PKD1L3: variants seen among roughly 807,000 people sequenced by gnomAD.
The protein encoded by PKD1L3 is polycystin 1 like 3, transient receptor potential channel interacting.
A neutral mutation model predicts 184.1 loss-of-function variants in PKD1L3; 239 were observed. The ratio of observed to expected loss-of-function variants is 1.30; its 90% CI spans 1.17 to 1.45. The LOEUF (loss-of-function observed/expected upper bound fraction) is 1.45. Ranked by LOEUF, PKD1L3 falls within the 40% of genes most tolerant of loss-of-function variation. The probability of loss-of-function intolerance (pLI) is 0.00; values close to 1 mark genes in which losing one functional copy is unlikely to be tolerated. For missense variants in PKD1L3, 2,660 were observed against 2,067.2 expected (o/e 1.29, Z -5.56); for synonymous variants, 996 against 778.8 (o/e 1.28, Z -4.64).
intron 16 of PKD1L3, among the ~76,000 whole-genome samples, chr16:71,956,508 T>C (rs1162078190): frequency 3.3e-5 from 5 of 152,100 alleles, no homozygotes; most frequent in Admixed American, 3.3e-4. Context: ...AGGAAGGAAA[T>C]TCTTGCACAT....
intron 3 of PKD1L3, chr16:71,991,115 A>G (rs2040573165): frequency 6.2e-6 from 1 of 162,344 alleles, no homozygotes; most frequent in South Asian, 1.5e-4. Flanking sequence ...TGATTGATAC[A>G]GCATAAGTAT....
chr16:71,977,925 CT>C (rs1264712903), intron 10 of PKD1L3, among the ~76,000 whole-genome samples: 3 of 152,166 alleles, frequency 2.0e-5, no homozygotes, highest in Non-Finnish European at 4.4e-5. Flanking sequence ...CAGCCACCCA[CT>C]GCCATGCCAG....
At chr16:71,971,184 G>A (rs1380281658) in intron 12 of PKD1L3, among the ~76,000 whole-genome samples, 3 of 152,186 alleles carry the variant, frequency 2.0e-5, no homozygotes, top group Admixed American at 2.0e-4. Context: ...TACTCAGAGG[G>A]CTTCAATTAT....
intron 2 of PKD1L3, among the ~76,000 whole-genome samples, chr16:71,995,904 G>T (rs2040767578): frequency 6.6e-6 from 1 of 152,174 alleles, no homozygotes; most frequent in African/African-American, 2.4e-5. Flanking sequence ...CTTGCCAACG[G>T]AAAGTGTTGT....
At chr16:71,930,008 C>T in intron 29 of PKD1L3, 44 bp downstream of exon 29, 1 of 1,520,664 alleles carries the variant, frequency 6.6e-7, no homozygotes, top group Non-Finnish European at 8.8e-7. Flanking sequence ...GTGGAGCTTT[C>T]CCAGTGATAT....
At chr16:71,932,631 G>A (rs545661429) in intron 28 of PKD1L3, among the ~76,000 whole-genome samples, 89 of 151,788 alleles carry the variant, frequency 5.9e-4, no homozygotes, top group African/African-American at 1.5e-3. Flanking sequence ...GCACCACCAC[G>A]CCTGGCTAGG....
At chr16:71,959,669 G>A (rs949992571) in intron 16 of PKD1L3, among the ~76,000 whole-genome samples, 1 of 151,930 alleles carries the variant, frequency 6.6e-6, no homozygotes, top group Non-Finnish European at 1.5e-5. Context: ...GTTATTCTTA[G>A]AAAATTAATA....
At chr16:71,997,016 G>A (rs951543087) in intron 2 of PKD1L3, among the ~76,000 whole-genome samples, 2 of 148,264 alleles carry the variant, frequency 1.3e-5, no homozygotes, top group Non-Finnish European at 3.0e-5. Flanking sequence ...CTAAGAATGA[G>A]ACTGAGGGAG....
intron 19 of PKD1L3, among the ~76,000 whole-genome samples, chr16:71,950,877 C>T (rs1255714637): frequency 6.6e-6 from 1 of 151,362 alleles, no homozygotes; most frequent in East Asian, 1.9e-4. Flanking sequence ...AGATTACAGG[C>T]ATCTGCCACC....
chr16:71,956,824 G>A (rs529183773), intron 16 of PKD1L3, among the ~76,000 whole-genome samples: 29 of 152,240 alleles, frequency 1.9e-4, no homozygotes, highest in Admixed American at 1.2e-3. Context: ...TGTTTTTACC[G>A]TAATTTTAAA....
chr16:71,973,206 T>C, intron 12 of PKD1L3, 118 bp downstream of exon 12: 1 of 1,251,742 alleles, frequency 8.0e-7, no homozygotes, highest in African/African-American at 1.5e-5. Context: ...CAGGCAGAGT[T>C]ATTTCAAACC....
intron 21 of PKD1L3, among the ~76,000 whole-genome samples, chr16:71,949,513 G>A (rs2038747743): frequency 6.6e-6 from 1 of 151,816 alleles, no homozygotes; most frequent in African/African-American, 2.4e-5. Context: ...CACCATGCCT[G>A]GCTAATTTTT....
intron 6 of PKD1L3, among the ~76,000 whole-genome samples, chr16:71,983,369 A>G (rs1393961345): frequency 1.3e-5 from 2 of 152,024 alleles, no homozygotes; most frequent in Admixed American, 6.6e-5. Flanking sequence ...CTGGTCTCGA[A>G]CTCCTGGGCT....
rs981158225 is a variant in PKD1L3 at position 71,963,260 on chromosome 16, A to G, written c.2557T>C (p.Cys853Arg). The G allele has an allele frequency of 1.3e-6, 2 of 1,551,366 alleles. No individual in the cohort carries two copies. Among genetic ancestry groups the G allele is most frequent in the Non-Finnish European group, 1.7e-6 (2 of 1,146,854 alleles). Residue 853 changes from cysteine to arginine, a missense_variant, in exon 16 of 30, where the codon TGT becomes CGT. By Grantham distance (180) the Cys-to-Arg change is radical. Coordinates refer to ENST00000620267, the MANE Select transcript of PKD1L3 (RefSeq NM_181536.2). The stretch of plus-strand genomic sequence containing the variant: ...GGGATGAAGACCCGGTCAAGCTCAC[A>G]GTCTCCGAGGTCCACAGCCAGCCAG... ...NCWLAVDLGD[C>R]ELDRVFIPVS...
At chr16:71,966,199 T>C (rs1243147503) in intron 15 of PKD1L3, among the ~76,000 whole-genome samples, 1 of 152,138 alleles carries the variant, frequency 6.6e-6, no homozygotes, top group Non-Finnish European at 1.5e-5. Context: ...ACTTCATTTT[T>C]CTCTTTTTTC....
intron 24 of PKD1L3, among the ~76,000 whole-genome samples, 152 bp from the exon 25 acceptor site, chr16:71,937,571 T>C (rs753856463): frequency 2.6e-5 from 4 of 152,208 alleles, no homozygotes; most frequent in Non-Finnish European, 2.9e-5. Context: ...AGAGCTGTCA[T>C]GAACATTAAA....
At position 71,993,267 on chromosome 16, in the gene PKD1L3, G is replaced by A. The variant is rs1436094154; in HGVS notation, c.484C>T (p.His162Tyr). 1 of 1,550,378 alleles carries A rather than the reference G, an allele frequency of 6.5e-7. No homozygotes were observed. ...GCAACTCCTCTTTTTGTCTTCTTGT[G>A]TCTCTGGTACAAATGGGAATTATTT... ...NGNNSHLYQR[H>Y]KKTKRGVAIA... The change falls in exon 3 of 30, where the codon CAC becomes TAC. Residue 162 changes from histidine (H) to tyrosine (Y), a missense_variant. Transcript: ENST00000620267.
intron 12 of PKD1L3, 74 bp downstream of exon 12, chr16:71,973,250 T>G: frequency 6.9e-6 from 10 of 1,454,214 alleles, no homozygotes; most frequent in South Asian, 1.3e-5. Context: ...CTGCCCCAAA[T>G]GAGATAACGG....
chr16:71,948,161 A>C (rs779336778), intron 21 of PKD1L3, among the ~76,000 whole-genome samples: 1 of 152,064 alleles, frequency 6.6e-6, no homozygotes, highest in East Asian at 1.9e-4. Flanking sequence ...GGCTCAGTGC[A>C]ACCTCTGCCT....
Sources: allele counts gnomAD v4.1 joint callset (sites outside exome capture counted in the v4.1 genomes callset), GRCh38; gene constraint gnomAD v4.1.1; transcripts MANE v1.5; gene names NCBI Gene and HGNC (gene_info 2026-07-23, HGNC 2026-07-21).